The following EZH1 variants were observed in gnomAD, a reference collection of about 807,000 sequenced individuals.
EZH1 encodes the protein histone-lysine N-methyltransferase EZH1.
In EZH1, 33 loss-of-function variants were observed where a neutral mutation model predicts 100.5. The observed-to-expected ratio is 0.33, with a 90% CI of 0.25 to 0.44. The LOEUF (loss-of-function observed/expected upper bound fraction) is 0.44. Among genes scored for constraint, EZH1 ranks in the 20% least tolerant of loss-of-function variants. The probability of loss-of-function intolerance (pLI) is 1.00; values close to 1 mark genes in which losing one functional copy is unlikely to be tolerated. For missense variants in EZH1, 475 were observed against 928.4 expected (o/e 0.51, Z 6.35); for synonymous variants, 272 against 313.8 (o/e 0.87, Z 1.41).
In EZH1 at chr17:42,720,422, C is replaced by T. The variant is rs1472973980; in HGVS notation, c.515G>A (p.Ser172Asn). Reference protein sequence around the residue: ...EEMIPGSVLISDAVFLELVDA... With the variant: ...EEMIPGSVLINDAVFLELVDA... ...GACCAACTCCAGAAAAACAGCATCA[C>T]TAATCAGAACGGATCCAGGGATCAT... The change falls in exon 7 of 21, where the codon AGT (serine) becomes AAT (asparagine). Residue 172 changes from serine to asparagine, a missense_variant. Around this residue, in one of 8 missense-constraint regions of EZH1, gnomAD observed 180 missense variants for 295.3 expected, o/e 0.61. Coordinates refer to ENST00000428826, the MANE Select transcript of EZH1 (RefSeq NM_001991.5). 13 of 1,612,818 alleles carry T rather than the reference C, an allele frequency of 8.1e-6. No homozygotes were observed. Among genetic ancestry groups the T allele is most frequent in the Non-Finnish European group, 9.3e-6 (11 of 1,179,732 alleles).
intron 7 of EZH1, 64 bp from the exon 8 acceptor site, chr17:42,719,271 G>A (rs1462186089): frequency 1.6e-6 from 2 of 1,269,040 alleles, no homozygotes; most frequent in Admixed American, 3.4e-5. Context: ...AAATCTGTGT[G>A]ATCTTTTTTC....
rs1010919889 is a variant in EZH1, at chr17:42,706,929, C to T, written c.1661-744G>A. On this transcript the variant is annotated intron_variant, in intron 15 of 20. Transcript: ENST00000428826. This position sits in a 1 kb window ranked among gnomAD's most constrained non-coding sequence, Gnocchi z 4.4. ...ACCCAGCGCAACCACTTCTCTGCTG[C>T]GGCTAAGATCACTATCTGCTATGGG... 3.3e-5 allele frequency among the ~76,000 whole-genome samples: 5 copies of T among 152,162 alleles called. No homozygotes were observed. The highest frequency in any genetic ancestry group is 4.8e-5 in the African/African-American group (2 of 41,444).
rs1423816665 is a variant in EZH1 at position 42,704,631 on chromosome 17, A to C, written c.1988T>G (p.Met663Arg). ...ATTGAGGTTGAAGAGGAAGCTGGAC[A>C]TGTATTTGTCATAGACCTTTCCGCG... ...DRRGKVYDKY[M>R]SSFLFNLNND... is the part of the protein sequence containing the mutation. The change falls in exon 18 of 21, where the codon ATG becomes AGG. Residue 663 changes from methionine to arginine, a missense_variant. By Grantham distance (91) the Met-to-Arg change is moderately conservative. Coordinates refer to ENST00000428826, the MANE Select transcript of EZH1 (RefSeq NM_001991.5). 2 of 1,613,952 alleles carry C rather than the reference A, an allele frequency of 1.2e-6. No homozygotes were observed.
At chr17:42,726,069 G>A (rs2053813783) in intron 4 of EZH1, among the ~76,000 whole-genome samples, 1 of 151,792 alleles carries the variant, frequency 6.6e-6, no homozygotes, top group African/African-American at 2.4e-5. Context: ...AGTAGAGACA[G>A]GGTTTCACCA....
Position 42,704,451 on chromosome 17 carries a change from G to C in EZH1, c.2017+151C>G. On this transcript the variant is annotated intron_variant, in intron 18 of 20. Coordinates refer to ENST00000428826, the MANE Select transcript of EZH1 (RefSeq NM_001991.5). ...AGCTACTCGGGAGGCTGAGGCAGGAGAATCACTTGAACCCGGGAGGCAGAG... is the reference window on the plus strand; with the variant it reads ...AGCTACTCGGGAGGCTGAGGCAGGACAATCACTTGAACCCGGGAGGCAGAG... 1.1e-5 allele frequency: 6 copies of C among 558,492 alleles called. No individual in the cohort carries two copies. In the South Asian group the frequency reaches 1.1e-4, roughly 11 times the overall value. The allele number at this position is 558,492 out of a possible 1,614,324, so 34.6% of individuals were successfully genotyped here.
chr17:42,709,103 C>T (rs1312640008), intron 13 of EZH1, 187 bp from the exon 14 acceptor site: 3 of 620,368 alleles, frequency 4.8e-6, no homozygotes, highest in Non-Finnish European at 8.6e-6. Context: ...CTGGCCTGTG[C>T]TACAAGAGTT....
intron 12 of EZH1, among the ~76,000 whole-genome samples, chr17:42,710,601 A>C (rs370737135): frequency 2.7e-5 from 4 of 150,476 alleles, no homozygotes. Flanking sequence ...AGCAAAGGGC[A>C]CTTCAGCTCA....
At chr17:42,721,442 A>G (rs2053704037) in intron 6 of EZH1, among the ~76,000 whole-genome samples, 1 of 152,220 alleles carries the variant, frequency 6.6e-6, no homozygotes, top group Admixed American at 6.5e-5. Context: ...GAAGTATGAC[A>G]GAGAGCCTCA....
At chr17:42,715,595 T>C (rs544449707) in intron 10 of EZH1, among the ~76,000 whole-genome samples, 3 of 152,048 alleles carry the variant, frequency 2.0e-5, no homozygotes, top group South Asian at 2.1e-4. Flanking sequence ...CAGACCTAAT[T>C]TCTAGGTTAT....
chr17:42,704,524 G>T (rs762412816), intron 18 of EZH1, 78 bp downstream of exon 18: 39 of 1,185,292 alleles, frequency 3.3e-5, no homozygotes, highest in Admixed American at 1.7e-4. Context: ...CCCTAGCCTG[G>T]GCAACAGAGC....
chr17:42,725,197 C>A (rs112928256), intron 4 of EZH1, among the ~76,000 whole-genome samples: 7,441 of 152,026 alleles, frequency 0.049, 525 homozygotes, highest in African/African-American at 0.15. Context: ...TTAAAAACAA[C>A]TTAATAAATT....
chr17:42,730,987 T>G, intron 1 of EZH1, 69 bp from the exon 2 acceptor site: 6 of 666,594 alleles, frequency 9.0e-6, no homozygotes, highest in Non-Finnish European at 1.1e-5. Context: ...ACACCCTCAG[T>G]AGGATTTTCC....
intron 1 of EZH1, among the ~76,000 whole-genome samples, chr17:42,732,715 G>A (rs1279540640): frequency 6.6e-6 from 1 of 152,202 alleles, no homozygotes. Flanking sequence ...CCTGCAGTGA[G>A]CCGAGATCGT....
At chr17:42,714,709 G>T (rs1597835161) in intron 10 of EZH1, 1 of 222,370 alleles carries the variant, frequency 4.5e-6, no homozygotes, top group Admixed American at 4.9e-5. Context: ...ATCATTAAGG[G>T]TATCTGGAAT....
chr17:42,723,726 T>C (rs750151042), intron 5 of EZH1, among the ~76,000 whole-genome samples: 42 of 152,188 alleles, frequency 2.8e-4, no homozygotes, highest in Non-Finnish European at 5.7e-4. Context: ...TAAGAGATGA[T>C]TCCCTTCTAT....
chr17:42,744,960 G>T (rs555047687), intron 1 of EZH1, 51 bp downstream of exon 1: 1 of 1,254,124 alleles, frequency 8.0e-7, no homozygotes, highest in African/African-American at 1.6e-5. Context: ...AGGGCGGCGA[G>T]GGGAGGAGGC....
At chr17:42,733,939 CAA>C (rs71157668) in intron 1 of EZH1, among the ~76,000 whole-genome samples, 74 of 50,074 alleles carry the variant, frequency 1.5e-3, no homozygotes, top group African/African-American at 2.9e-3. Context: ...GACTCCATCT[CAA>C]AAAAAAAAAA....
intron 1 of EZH1, among the ~76,000 whole-genome samples, chr17:42,739,168 T>C (rs777578575): frequency 2.6e-5 from 4 of 152,174 alleles, no homozygotes; most frequent in Non-Finnish European, 4.4e-5. Context: ...GTAACACACC[T>C]TTGGGTCATT....
chr17:42,731,107 C>A (rs2053939420), intron 1 of EZH1, among the ~76,000 whole-genome samples, 189 bp from the exon 2 acceptor site: 1 of 151,700 alleles, frequency 6.6e-6, no homozygotes. Flanking sequence ...TTATTAAATT[C>A]TATTTTTTCA....
Sources: gnomAD v4.1 joint callset for allele counts (sites outside exome capture counted in the v4.1 genomes callset) on GRCh38, gnomAD v4.1.1 for gene constraint, gnomAD v4.1.1 regional missense constraint, Gnocchi (gnomAD v3.1) non-coding constraint, MANE v1.5 for transcripts, NCBI Gene and HGNC (gene_info 2026-07-23, HGNC 2026-07-21) for gene names.